Variants in KAZN observed in about 807,000 individuals in gnomAD.
KAZN encodes kazrin.
Under a neutral mutation model 87.4 loss-of-function variants are expected in KAZN, and 40 were observed. The observed-to-expected ratio is 0.46, with a 90% CI of 0.36 to 0.60. The LOEUF (loss-of-function observed/expected upper bound fraction) is 0.60, where lower values mean the gene tolerates loss of function less well. Ranked by LOEUF, KAZN falls within the 20% of genes least tolerant of loss-of-function variation. The pLI, the probability that KAZN is intolerant of heterozygous loss-of-function variation, is 0.00. For missense variants in KAZN, 898 were observed against 1,073.9 expected (o/e 0.84, Z 2.29); for synonymous variants, 466 against 458.3 (o/e 1.02, Z -0.22).
At chr1:14,655,358 G>A (rs1572148029) in intron 1 of KAZN, among the ~76,000 whole-genome samples, 1 of 152,226 alleles carries the variant, frequency 6.6e-6, no homozygotes, top group South Asian at 2.1e-4. Context: ...ATTGTAACTT[G>A]CTCTGCAAGT....
rs1432773751 is a variant in KAZN at position 15,064,528 on chromosome 1, C to G, written c.1098+906C>G. 2.0e-5 allele frequency among the ~76,000 whole-genome samples: 3 copies of G among 152,346 alleles called. No homozygotes were observed. In the East Asian group the frequency reaches 5.8e-4, roughly 29 times the overall value. ...ACCCAGATGCCGGTAGTGTCCCTAA[C>G]AGGAGGGCAGGGTAGACCTTACCAC... On this transcript the variant is annotated intron_variant, in intron 7 of 14. Coordinates refer to ENST00000376030, the MANE Select transcript of KAZN (RefSeq NM_201628.3).
chr1:14,664,252 G>A (rs1265285880), intron 1 of KAZN, among the ~76,000 whole-genome samples: 2 of 152,176 alleles, frequency 1.3e-5, no homozygotes, highest in African/African-American at 4.8e-5. Flanking sequence ...GCCCAACATG[G>A]CAAAACCCTG....
At chr1:13,908,748 A>T (rs1639538744) in intron 1 of KAZN, among the ~76,000 whole-genome samples, 1 of 152,154 alleles carries the variant, frequency 6.6e-6, no homozygotes, top group South Asian at 2.1e-4. Flanking sequence ...AGGGTCATAA[A>T]CTTCTCAAGT....
intron 1 of KAZN, among the ~76,000 whole-genome samples, chr1:14,810,171 C>A (rs1212909375): frequency 6.6e-6 from 1 of 152,004 alleles, no homozygotes; most frequent in African/African-American, 2.4e-5. Flanking sequence ...TTAATCAGCC[C>A]CAGTTGAGAA....
At chr1:14,340,888 C>CTTTTTTTTTTTTTTTTTTTTTTTT (rs3085672) in intron 2 of KAZN, among the ~76,000 whole-genome samples, 1 of 103,172 alleles carries the variant, frequency 9.7e-6, no homozygotes, top group Non-Finnish European at 1.8e-5. Context: ...ATGATTTTCC[C>CTTTTTTTTTTTTTTTTTTTTTTTT]TTTTTTTTTT....
At chr1:15,035,281 A>G (rs1000716050) in intron 3 of KAZN, among the ~76,000 whole-genome samples, 4 of 152,226 alleles carry the variant, frequency 2.6e-5, no homozygotes, top group Non-Finnish European at 5.9e-5. Context: ...CCTGGCACAT[A>G]GTATAGCATC....
intron 2 of KAZN, among the ~76,000 whole-genome samples, chr1:14,308,980 A>G (rs1655110914): frequency 1.3e-5 from 2 of 152,234 alleles, no homozygotes; most frequent in African/African-American, 2.4e-5. Context: ...ACAAGAATTA[A>G]TGAAAAATTG....
At chr1:14,514,598 TATATATATATA>T (rs1557770466) in intron 2 of KAZN, among the ~76,000 whole-genome samples, 19 of 30,878 alleles carry the variant, frequency 6.2e-4, no homozygotes, top group African/African-American at 3.4e-3. Context: ...TTATATTTTA[TATATATATATA>T]TATATATATA....
chr1:14,725,329 T>C (rs906537154), intron 1 of KAZN, among the ~76,000 whole-genome samples: 4 of 152,204 alleles, frequency 2.6e-5, no homozygotes, highest in African/African-American at 9.6e-5. Context: ...CTCCTTAGGC[T>C]CCTGGTGGCA....
intron 2 of KAZN, among the ~76,000 whole-genome samples, chr1:14,395,979 C>T (rs1410317424): frequency 6.6e-6 from 1 of 151,932 alleles, no homozygotes; most frequent in Non-Finnish European, 1.5e-5. Context: ...CCAGCCTGAC[C>T]ACCATGGTAA....
chr1:14,544,607 G>A (rs1202568159), intron 2 of KAZN, among the ~76,000 whole-genome samples: 1 of 151,870 alleles, frequency 6.6e-6, no homozygotes. Context: ...TTTTCTTTGT[G>A]CCAGAGGTGG....
intron 1 of KAZN, among the ~76,000 whole-genome samples, chr1:14,082,931 C>T (rs866810528): frequency 2.2e-4 from 34 of 152,340 alleles, no homozygotes; most frequent in African/African-American, 7.0e-4. Flanking sequence ...CGTGGTGGCT[C>T]ACGCCTGTAA....
At chr1:14,388,289 C>G (rs906924920) in intron 2 of KAZN, among the ~76,000 whole-genome samples, 1 of 152,190 alleles carries the variant, frequency 6.6e-6, no homozygotes, top group African/African-American at 2.4e-5. Flanking sequence ...ATTGCTCACG[C>G]TGGGAGCTGT....
chr1:15,110,904 T>G (rs887023975), intron 13 of KAZN, among the ~76,000 whole-genome samples: 1 of 152,252 alleles, frequency 6.6e-6, no homozygotes, highest in East Asian at 1.9e-4. Flanking sequence ...TGACTGCTAG[T>G]GTTCCAAGAG....
rs1394110750 is a variant in KAZN at position 14,265,649 on chromosome 1, C to G, written c.249+85057C>G. Among the ~76,000 whole-genome samples, 2 of 152,172 alleles carry G rather than the reference C, an allele frequency of 1.3e-5. 1 individual carries two copies. The highest frequency in any genetic ancestry group is 4.1e-4 in the South Asian group (2 of 4,828). ...CTGCCAAGGAATCAGAAATCGAACCCTCAGTGTGGAAATTTTATTTCACAT... is the reference window on the plus strand; with the variant it reads ...CTGCCAAGGAATCAGAAATCGAACCGTCAGTGTGGAAATTTTATTTCACAT... On this transcript the variant is annotated intron_variant, in intron 2 of 16. Coordinates refer to the KAZN transcript ENST00000636203.
intron 2 of KAZN, among the ~76,000 whole-genome samples, chr1:14,392,436 CCGGT>C (rs1662528295): frequency 6.6e-6 from 1 of 152,032 alleles, no homozygotes; most frequent in Non-Finnish European, 1.5e-5. Context: ...TCCTAGTTGG[CCGGT>C]CAGTCTTCAG....
intron 1 of KAZN, among the ~76,000 whole-genome samples, chr1:13,959,575 C>T (rs373715982): frequency 4.6e-5 from 7 of 152,218 alleles, no homozygotes; most frequent in South Asian, 2.1e-4. Context: ...CCTGCCCTCT[C>T]GCACCCTCAG....
chr1:14,790,658 C>T (rs1645647008), intron 1 of KAZN, among the ~76,000 whole-genome samples: 1 of 152,160 alleles, frequency 6.6e-6, no homozygotes, highest in Admixed American at 6.5e-5. Flanking sequence ...CAAGTCCCGC[C>T]AGCCAGGGAT....
chr1:14,844,800 A>G (rs1426722688), intron 1 of KAZN, among the ~76,000 whole-genome samples: 1 of 120,016 alleles, frequency 8.3e-6, no homozygotes, highest in East Asian at 2.9e-4. Context: ...GCATCCCACC[A>G]TAGTGTCTGG....
Sources: allele counts gnomAD v4.1 joint callset (sites outside exome capture counted in the v4.1 genomes callset), GRCh38; gene constraint gnomAD v4.1.1; transcripts MANE v1.5; gene names NCBI Gene and HGNC (gene_info 2026-07-23, HGNC 2026-07-21).